Variants in HCN1 observed in about 807,000 individuals in gnomAD.
HCN1 encodes potassium/sodium hyperpolarization-activated cyclic nucleotide-gated channel 1.
A neutral mutation model predicts 78.9 loss-of-function variants in HCN1; 13 were observed. That is an observed-to-expected ratio of 0.16 (90% CI 0.11 to 0.26). The LOEUF is 0.26. Among genes scored for constraint, HCN1 ranks in the 10% least tolerant of loss-of-function variants. HCN1 has a pLI of 1.00. For synonymous variants in HCN1, 552 were observed against 455.5 expected (o/e 1.21, Z -2.70); for missense variants, 810 against 1,154.3 (o/e 0.70, Z 4.32).
At chr5:45,694,287 T>C (rs1432635616) in intron 1 of HCN1, among the ~76,000 whole-genome samples, 1 of 152,234 alleles carries the variant, frequency 6.6e-6, no homozygotes, top group African/African-American at 2.4e-5. Context: ...TGTGTGTTTT[T>C]ACAAATAAGT....
chr5:45,506,682 A>G lies in HCN1; in HGVS notation c.850-44675T>C, dbSNP rs1305547001. On this transcript the variant is annotated intron_variant, in intron 2 of 7. Transcript: ENST00000303230. ...TGTATTGCTATTTTTATTCATGACT[A>G]GGAAAGGCTTTAAAGCCTCTCCTTC... Among the ~76,000 whole-genome samples the G allele has an allele frequency of 2.6e-5, 4 of 152,284 alleles. No homozygotes were observed. The East Asian group carries it at 7.7e-4, about 29-fold the overall frequency.
At chr5:45,347,565 C>G (rs868294992) in intron 5 of HCN1, among the ~76,000 whole-genome samples, 1 of 152,116 alleles carries the variant, frequency 6.6e-6, no homozygotes, top group East Asian at 1.9e-4. Context: ...TCAAACTACT[C>G]CGAGCTACAG....
chr5:45,357,571 A>T (rs1747027293), intron 4 of HCN1, among the ~76,000 whole-genome samples: 1 of 152,060 alleles, frequency 6.6e-6, no homozygotes. Context: ...TACTAATATG[A>T]GATTTTTGAA....
At chr5:45,689,889 T>G (rs1197534045) in intron 1 of HCN1, among the ~76,000 whole-genome samples, 1 of 152,162 alleles carries the variant, frequency 6.6e-6, no homozygotes, top group Non-Finnish European at 1.5e-5. Flanking sequence ...TAAAACAGCC[T>G]GTAAATATCA....
intron 1 of HCN1, among the ~76,000 whole-genome samples, chr5:45,646,771 G>T (rs939470438): frequency 1.3e-5 from 2 of 151,976 alleles, no homozygotes. Flanking sequence ...ATTTATAGTT[G>T]TTACAGTATA....
At chr5:45,430,957 T>C (rs1483026972) in intron 3 of HCN1, among the ~76,000 whole-genome samples, 1 of 152,222 alleles carries the variant, frequency 6.6e-6, no homozygotes, top group African/African-American at 2.4e-5. Context: ...TTTGGGTATA[T>C]ACCCAATATT....
intron 5 of HCN1, among the ~76,000 whole-genome samples, chr5:45,315,269 A>G (rs1156253175): frequency 2.0e-5 from 3 of 152,192 alleles, no homozygotes; most frequent in Non-Finnish European, 4.4e-5. Flanking sequence ...CTCATTCAAA[A>G]CCGCTCAACT....
At chr5:45,417,962 A>G (rs543558129) in intron 3 of HCN1, among the ~76,000 whole-genome samples, 1 of 152,046 alleles carries the variant, frequency 6.6e-6, no homozygotes, top group African/African-American at 2.4e-5. Flanking sequence ...ATATATTTTT[A>G]CAAAGTAAGG....
chr5:45,602,001 A>T (rs908585532), intron 2 of HCN1, among the ~76,000 whole-genome samples: 21 of 151,844 alleles, frequency 1.4e-4, no homozygotes, highest in African/African-American at 5.1e-4. Context: ...ATAGTGTGTT[A>T]GATCTCACAA....
At chr5:45,467,748 G>A (rs556331836) in intron 2 of HCN1, among the ~76,000 whole-genome samples, 1 of 152,056 alleles carries the variant, frequency 6.6e-6, no homozygotes, top group South Asian at 2.1e-4. Context: ...TTTTCAAAAG[G>A]AATACTCTTA....
rs1204460618 is a variant in HCN1 at position 45,256,603 on chromosome 5, C to G, written c.*5318G>C. 2 of 152,160 alleles carry G rather than the reference C, an allele frequency of 1.3e-5. No individual in the cohort carries two copies. Among genetic ancestry groups the G allele is most frequent in the African/African-American group, 4.8e-5 (2 of 41,422 alleles). The allele number at this position is 152,160 out of a possible 1,614,324, so 9.4% of individuals were successfully genotyped here. A position where few individuals can be genotyped will look rare whatever the true frequency, so the allele number is the denominator to read the frequency against. On this transcript the variant is annotated 3_prime_UTR_variant, in exon 8 of 8. Transcript: ENST00000303230. ...GGAGTGCAGTGGAACGAACAGGGCTCACTGCAGCCTTGACCTCCTAAGTTC... is the reference window on the plus strand; with the variant it reads ...GGAGTGCAGTGGAACGAACAGGGCTGACTGCAGCCTTGACCTCCTAAGTTC...
intron 6 of HCN1, among the ~76,000 whole-genome samples, chr5:45,301,262 G>A (rs1295458657): frequency 6.6e-6 from 1 of 150,500 alleles, no homozygotes; most frequent in Admixed American, 6.7e-5. Context: ...TAAAAAAGGG[G>A]GATAATATAG....
intron 2 of HCN1, among the ~76,000 whole-genome samples, chr5:45,594,450 G>T (rs1359082621): frequency 6.6e-6 from 1 of 152,110 alleles, no homozygotes; most frequent in Non-Finnish European, 1.5e-5. Context: ...TGCTCAAAAT[G>T]TTCAAAATGT....
chr5:45,285,546 C>A (rs1435218765), intron 6 of HCN1, among the ~76,000 whole-genome samples: 1 of 151,854 alleles, frequency 6.6e-6, no homozygotes, highest in Non-Finnish European at 1.5e-5. Context: ...ACATTTTTTA[C>A]TGTATTCAGC....
Position 45,330,354 on chromosome 5 carries a change from G to A in HCN1, c.1377+22746C>T, listed in dbSNP as rs555199522. Among the ~76,000 whole-genome samples, 18 of 151,198 alleles carry A rather than the reference G, an allele frequency of 1.2e-4. 1 individual carries two copies. Among genetic ancestry groups the A allele is most frequent in the African/African-American group, 4.3e-4 (18 of 41,402 alleles). On this transcript the variant is annotated intron_variant, in intron 5 of 7. Coordinates refer to ENST00000303230, the MANE Select transcript of HCN1 (RefSeq NM_021072.4). ...GAAATTGTGGATATATCAACAGTTT[G>A]TTGGAACATTAAACCTTATTTTTGT... is the stretch of plus-strand genomic sequence containing the variant.
At position 45,550,189 on chromosome 5, in the gene HCN1, C is replaced by G. The variant is rs528773023; in HGVS notation, c.850-88182G>C. ...TATAAATCATGCTACTATAAAGACA[C>G]ATGCACACGTATGTTTATTGCGGCA... On this transcript the variant is annotated intron_variant, in intron 2 of 7. Transcript: ENST00000303230. Among the ~76,000 whole-genome samples, 5 of 152,276 alleles carry G rather than the reference C, an allele frequency of 3.3e-5. No homozygotes were observed. In the South Asian group the frequency reaches 1.0e-3, roughly 32 times the overall value.
rs1386203294 is a variant in HCN1, at chr5:45,257,469, G to A, written c.*4452C>T. 1 of 152,116 alleles carries A rather than the reference G, an allele frequency of 6.6e-6. No individual in the cohort carries two copies. The highest frequency in any genetic ancestry group is 1.9e-4 in the East Asian group (1 of 5,182). The allele number at this position is 152,116 out of a possible 1,614,324, so 9.4% of individuals were successfully genotyped here. A position where few individuals can be genotyped will look rare whatever the true frequency, so the allele number is the denominator to read the frequency against. On this transcript the variant is annotated 3_prime_UTR_variant, in exon 8 of 8. Coordinates refer to ENST00000303230, the MANE Select transcript of HCN1 (RefSeq NM_021072.4). The stretch of plus-strand genomic sequence containing the variant: ...CAAGGACCTTGTAAACAAATTCAGA[G>A]CATTATCTGTAGGTTCTTTTAAGAT...
intron 3 of HCN1, among the ~76,000 whole-genome samples, chr5:45,398,304 T>C (rs1427931019): frequency 1.3e-5 from 2 of 152,140 alleles, no homozygotes; most frequent in Non-Finnish European, 2.9e-5. Flanking sequence ...AGAGAGATTC[T>C]ATGTACTCTT....
At position 45,488,748 on chromosome 5, in the gene HCN1, A is replaced by G. The variant is rs1463302580; in HGVS notation, c.850-26741T>C. 3.3e-5 allele frequency among the ~76,000 whole-genome samples: 5 copies of G among 152,170 alleles called. No individual in the cohort carries two copies. The South Asian group carries it at 8.3e-4, about 25-fold the overall frequency. ...AGAAAGCATAGATAACTATTTAACT[A>G]TATGATAAATAATTTCACAGCCACT... On this transcript the variant is annotated intron_variant, in intron 2 of 7. Transcript: ENST00000303230.
Sources: gnomAD v4.1 joint callset for allele counts (sites outside exome capture counted in the v4.1 genomes callset) on GRCh38, gnomAD v4.1.1 for gene constraint, MANE v1.5 for transcripts, NCBI Gene and HGNC (gene_info 2026-07-23, HGNC 2026-07-21) for gene names.